Variants in SCHIP1 observed in about 807,000 individuals in gnomAD.
SCHIP1 encodes schwannomin-interacting protein 1.
Under a neutral mutation model 29.7 loss-of-function variants are expected in SCHIP1, and 8 were observed. The observed-to-expected ratio is 0.27, with a 90% confidence interval of 0.16 to 0.49. The LOEUF (loss-of-function observed/expected upper bound fraction) is 0.49, where lower values mean the gene tolerates loss of function less well. Among genes scored for constraint, SCHIP1 ranks in the 20% least tolerant of loss-of-function variants. SCHIP1 has a pLI of 0.99. For missense variants in SCHIP1, 193 were observed against 294.6 expected, an observed-to-expected ratio of 0.66 and a Z score of 2.52; for synonymous variants, 76 against 94.9, an observed-to-expected ratio of 0.80 and a Z score of 1.16.
the SCHIP1 span, among the ~76,000 whole-genome samples, chr3:159,399,630 G>GAGT: frequency 6.6e-6 from 1 of 152,106 alleles, no homozygotes. Context: ...CAGATTCTTA[G>GAGT]AGTAGTGATT....
At chr3:159,687,867 T>C in the SCHIP1 span, among the ~76,000 whole-genome samples, 2 of 152,250 alleles carry the variant, frequency 1.3e-5, no homozygotes, top group Non-Finnish European at 2.9e-5. Context: ...TTTCTGTTTC[T>C]GTGTTAGTTT....
the SCHIP1 span, among the ~76,000 whole-genome samples, chr3:159,491,084 G>A: frequency 6.6e-6 from 1 of 152,188 alleles, no homozygotes; most frequent in Admixed American, 6.5e-5. Flanking sequence ...TAACATCAGT[G>A]CTGAGCTTCA....
At chr3:159,885,276 C>T (rs931111620) in intron 2 of SCHIP1, among the ~76,000 whole-genome samples, 2 of 152,132 alleles carry the variant, frequency 1.3e-5, no homozygotes, top group African/African-American at 4.8e-5. Context: ...CCTCCTTTTG[C>T]CTTTTCTTTC....
chr3:159,533,973 T>C, the SCHIP1 span, among the ~76,000 whole-genome samples: 1 of 152,212 alleles, frequency 6.6e-6, no homozygotes, highest in Admixed American at 6.5e-5. Flanking sequence ...CACAGCTTCA[T>C]GTGAAGAAGC....
chr3:159,684,369 T>C, the SCHIP1 span, among the ~76,000 whole-genome samples: 2 of 152,212 alleles, frequency 1.3e-5, no homozygotes, highest in Admixed American at 1.3e-4. Context: ...CCTGACAACA[T>C]TGGTGTTTTC....
At chr3:159,678,832 T>A in the SCHIP1 span, among the ~76,000 whole-genome samples, 1 of 152,090 alleles carries the variant, frequency 6.6e-6, no homozygotes, top group Non-Finnish European at 1.5e-5. Flanking sequence ...ACAGAATGAG[T>A]ATAAGGAAAG....
the SCHIP1 span, among the ~76,000 whole-genome samples, chr3:159,417,715 G>A: frequency 1.3e-5 from 2 of 152,172 alleles, no homozygotes; most frequent in African/African-American, 4.8e-5. Flanking sequence ...TAGTTGACCT[G>A]CTCCATCATT....
chr3:159,574,719 G>T, the SCHIP1 span, among the ~76,000 whole-genome samples: 19 of 152,238 alleles, frequency 1.2e-4, no homozygotes, highest in Non-Finnish European at 2.2e-4. Context: ...TGTCCACAGA[G>T]GTGGAGTCTA....
At chr3:159,869,364 G>A (rs183335833) in intron 2 of SCHIP1, among the ~76,000 whole-genome samples, 4 of 151,918 alleles carry the variant, frequency 2.6e-5, no homozygotes, top group East Asian at 3.9e-4. Context: ...ACCAAGAGTC[G>A]AAAGTGTTGA....
chr3:159,422,059 T>C, the SCHIP1 span, among the ~76,000 whole-genome samples: 1 of 152,240 alleles, frequency 6.6e-6, no homozygotes, highest in Non-Finnish European at 1.5e-5. Context: ...TTTTGTTATT[T>C]AGTTGCTAAA....
the SCHIP1 span, among the ~76,000 whole-genome samples, chr3:159,395,743 T>A: frequency 1.3e-5 from 2 of 151,638 alleles, no homozygotes; most frequent in Non-Finnish European, 1.5e-5. Flanking sequence ...CTTCCAAGTA[T>A]GTGGTCAATT....
chr3:159,630,523 G>T, the SCHIP1 span, among the ~76,000 whole-genome samples: 2,707 of 152,160 alleles, frequency 0.018, 43 homozygotes, highest in African/African-American at 0.037. Flanking sequence ...CTAAATAATG[G>T]CATTTGCAGC....
the SCHIP1 span, among the ~76,000 whole-genome samples, chr3:159,426,338 A>G: frequency 6.6e-6 from 1 of 152,218 alleles, no homozygotes; most frequent in Non-Finnish European, 1.5e-5. Context: ...GCAATAAAAA[A>G]TGACAAAGGG....
the SCHIP1 span, among the ~76,000 whole-genome samples, chr3:159,592,610 G>A: frequency 6.6e-6 from 1 of 151,584 alleles, no homozygotes; most frequent in Non-Finnish European, 1.5e-5. Flanking sequence ...GCCTGTAGTT[G>A]GAGGACTCCT....
chr3:159,401,094 C>T, the SCHIP1 span: 1 of 661,240 alleles, frequency 1.5e-6, no homozygotes, highest in Non-Finnish European at 1.9e-6. Context: ...GCACATCCTA[C>T]AGGATTTTAT....
At chr3:159,482,316 C>T in the SCHIP1 span, among the ~76,000 whole-genome samples, 1 of 152,102 alleles carries the variant, frequency 6.6e-6, no homozygotes, top group East Asian at 1.9e-4. Context: ...GGCTTCCCTT[C>T]AAGAAGGACG....
chr3:159,689,005 G>A, the SCHIP1 span, among the ~76,000 whole-genome samples: 1 of 152,174 alleles, frequency 6.6e-6, no homozygotes, highest in Non-Finnish European at 1.5e-5. Flanking sequence ...CTGTAGGCTT[G>A]TAGTATAGTT....
At chr3:159,555,568 T>C in the SCHIP1 span, among the ~76,000 whole-genome samples, 1 of 151,934 alleles carries the variant, frequency 6.6e-6, no homozygotes, top group African/African-American at 2.4e-5. Context: ...GATGAGCAAA[T>C]TCTCTCTCTC....
At chr3:159,459,993 AC>A in the SCHIP1 span, among the ~76,000 whole-genome samples, 1 of 152,146 alleles carries the variant, frequency 6.6e-6, no homozygotes, top group African/African-American at 2.4e-5. Flanking sequence ...TCCTTGTTTA[AC>A]TCAGTCTGTA....
Sources: gnomAD v4.1 joint callset for allele counts (sites outside exome capture counted in the v4.1 genomes callset) on GRCh38, gnomAD v4.1.1 for gene constraint, MANE v1.5 for transcripts, NCBI Gene and HGNC (gene_info 2026-07-23, HGNC 2026-07-21) for gene names.